Variants in PTPRD observed in about 807,000 individuals in gnomAD.
PTPRD encodes protein tyrosine phosphatase receptor type D.
Under a neutral mutation model 214.5 loss-of-function variants are expected in PTPRD, and 34 were observed. The observed-to-expected ratio is 0.16, with a 90% CI of 0.12 to 0.21. The LOEUF is 0.21. Ranked by LOEUF, PTPRD falls within the 10% of genes least tolerant of loss-of-function variation. PTPRD has a pLI of 1.00. For missense variants in PTPRD, 2,545 were observed against 2,398.7 expected, an observed-to-expected ratio of 1.06 and a Z score of -1.27; for synonymous variants, 1,128 against 845.7, an observed-to-expected ratio of 1.33 and a Z score of -5.79.
At chr9:8,373,770 T>A (rs1291440268) in intron 39 of PTPRD, among the ~76,000 whole-genome samples, 1 of 151,788 alleles carries the variant, frequency 6.6e-6, no homozygotes, top group Non-Finnish European at 1.5e-5. Context: ...ATACCTTGCT[T>A]ATAATCTACA....
At chr9:10,342,843 C>T (rs2096968964) in intron 2 of PTPRD, among the ~76,000 whole-genome samples, 1 of 152,062 alleles carries the variant, frequency 6.6e-6, no homozygotes, top group Admixed American at 6.6e-5. Context: ...TACTTACCAG[C>T]ATATGTCCAT....
intron 3 of PTPRD, among the ~76,000 whole-genome samples, chr9:10,165,901 A>G (rs2099156119): frequency 2.6e-5 from 4 of 151,034 alleles, no homozygotes; most frequent in African/African-American, 9.7e-5. Context: ...ATATATAAAT[A>G]CACATGTCAA....
chr9:8,580,964 T>C (rs1010868531), intron 14 of PTPRD, among the ~76,000 whole-genome samples: 5 of 152,316 alleles, frequency 3.3e-5, no homozygotes, highest in South Asian at 4.1e-4. Flanking sequence ...TGTTGGTAAT[T>C]GCAAATGCCC....
intron 2 of PTPRD, among the ~76,000 whole-genome samples, chr9:10,487,266 AT>A (rs1033637340): frequency 6.6e-6 from 1 of 151,930 alleles, no homozygotes; most frequent in African/African-American, 2.4e-5. Flanking sequence ...CTGTTTTTTG[AT>A]TGAAGAGCTT....
At position 10,443,122 on chromosome 9, in the gene PTPRD, G is replaced by GT. The variant is rs143110191; in HGVS notation, c.-599-102106dup. On this transcript the variant is annotated intron_variant, in intron 2 of 45. Transcript: ENST00000381196. ...AAAAAAAGGCCTGGATGGTGTTTGTGTTTTTTTATTAGAGATAGAGTCATG... is the reference window on the plus strand; with the variant it reads ...AAAAAAAGGCCTGGATGGTGTTTGTGTTTTTTTTATTAGAGATAGAGTCATG... 1.0e-2 allele frequency among the ~76,000 whole-genome samples: 1,506 copies of GT among 150,656 alleles called. 21 individuals are homozygous for GT. The highest frequency in any genetic ancestry group is 0.029 in the African/African-American group (1,190 of 41,198).
chr9:9,069,271 T>C, intron 10 of PTPRD, among the ~76,000 whole-genome samples: 1 of 152,328 alleles, frequency 6.6e-6, no homozygotes, highest in Non-Finnish European at 1.5e-5. Context: ...TCTTTATTTA[T>C]AAGTCAATGC....
intron 8 of PTPRD, among the ~76,000 whole-genome samples, chr9:9,514,722 C>G (rs149281146): frequency 1.0e-3 from 153 of 152,168 alleles, no homozygotes; most frequent in African/African-American, 3.5e-3. Flanking sequence ...CAGTGCCTTA[C>G]TGGTAAGTTT....
At chr9:9,027,865 T>G (rs986413495) in intron 10 of PTPRD, among the ~76,000 whole-genome samples, 1 of 151,994 alleles carries the variant, frequency 6.6e-6, no homozygotes, top group African/African-American at 2.4e-5. Flanking sequence ...TAACTGCCAT[T>G]TGGTCTACTA....
At chr9:9,767,671 C>G (rs2098717907) in intron 5 of PTPRD, among the ~76,000 whole-genome samples, 1 of 151,942 alleles carries the variant, frequency 6.6e-6, no homozygotes, top group African/African-American at 2.4e-5. Flanking sequence ...TTCTATCTGC[C>G]TAAAATTTCC....
intron 9 of PTPRD, among the ~76,000 whole-genome samples, chr9:9,333,909 T>A (rs539514971): frequency 6.6e-6 from 1 of 151,946 alleles, no homozygotes; most frequent in South Asian, 2.1e-4. Context: ...GAAGAAAATA[T>A]TGATGGAATA....
At chr9:9,564,913 T>TTG (rs398010287) in intron 8 of PTPRD, among the ~76,000 whole-genome samples, 1 of 133,724 alleles carries the variant, frequency 7.5e-6, no homozygotes, top group East Asian at 2.2e-4. Flanking sequence ...TTTTTTTTTT[T>TTG]GCAGTGCACC....
intron 7 of PTPRD, among the ~76,000 whole-genome samples, chr9:9,675,067 G>C (rs2096903424): frequency 6.6e-6 from 1 of 151,926 alleles, no homozygotes; most frequent in South Asian, 2.1e-4. Flanking sequence ...AAAACCTCTA[G>C]CACATGGAAC....
chr9:10,224,331 G>A (rs2099581598), intron 3 of PTPRD, among the ~76,000 whole-genome samples: 1 of 151,972 alleles, frequency 6.6e-6, no homozygotes, highest in Non-Finnish European at 1.5e-5. Context: ...TTAGAATTAT[G>A]TCAGATTAAT....
intron 10 of PTPRD, among the ~76,000 whole-genome samples, chr9:9,128,456 T>G (rs1386743344): frequency 1.3e-5 from 2 of 152,178 alleles, no homozygotes; most frequent in Non-Finnish European, 2.9e-5. Flanking sequence ...ACAAAACATA[T>G]ATTCAATTAT....
chr9:9,959,758 T>C (rs2094218190), intron 4 of PTPRD, among the ~76,000 whole-genome samples: 2 of 152,162 alleles, frequency 1.3e-5, no homozygotes, highest in Admixed American at 1.3e-4. Flanking sequence ...TGTATTGGAA[T>C]GGAACTGAAT....
intron 10 of PTPRD, among the ~76,000 whole-genome samples, chr9:9,095,914 C>G (rs1039180362): frequency 2.0e-5 from 3 of 152,128 alleles, no homozygotes; most frequent in African/African-American, 7.2e-5. Flanking sequence ...GAATATTATT[C>G]AGTCCCACAA....
chr9:8,876,033 A>G (rs1406451026), intron 11 of PTPRD, among the ~76,000 whole-genome samples: 1 of 152,132 alleles, frequency 6.6e-6, no homozygotes, highest in East Asian at 1.9e-4. Flanking sequence ...ATTTTGTTGG[A>G]TTTTTCTCTT....
chr9:8,548,939 C>A (rs2081163678), intron 14 of PTPRD, among the ~76,000 whole-genome samples: 2 of 152,016 alleles, frequency 1.3e-5, no homozygotes, highest in East Asian at 1.9e-4. Context: ...GATCCGCCTG[C>A]CTCGGCCTCA....
At chr9:8,772,625 A>T (rs993174539) in intron 11 of PTPRD, among the ~76,000 whole-genome samples, 2 of 152,254 alleles carry the variant, frequency 1.3e-5, no homozygotes, top group Admixed American at 1.3e-4. Flanking sequence ...CCTGGGCAAT[A>T]GAGCAAGACC....
Sources: gnomAD v4.1 joint callset for allele counts (sites outside exome capture counted in the v4.1 genomes callset) on GRCh38, gnomAD v4.1.1 for gene constraint, MANE v1.5 for transcripts, NCBI Gene and HGNC (gene_info 2026-07-23, HGNC 2026-07-21) for gene names.